Variants in PRIM2 observed in about 807,000 individuals in gnomAD.
The protein encoded by PRIM2 is DNA primase subunit 2, also known as DNA primase large subunit.
Under a neutral mutation model 67.3 loss-of-function variants are expected in PRIM2, and 39 were observed. The ratio of observed to expected loss-of-function variants is 0.58; its 90% CI spans 0.45 to 0.76. The LOEUF (loss-of-function observed/expected upper bound fraction) is 0.76. Among genes scored for constraint, PRIM2 ranks in the 30% least tolerant of loss-of-function variants. The pLI is 0.00. For synonymous variants in PRIM2, 143 were observed against 198.7 expected, an observed-to-expected ratio of 0.72 and a Z score of 2.36; for missense variants, 398 against 598.7, an observed-to-expected ratio of 0.66 and a Z score of 3.50.
intron 5 of PRIM2, among the ~76,000 whole-genome samples, chr6:57,336,939 A>G (rs1219781238): frequency 6.6e-6 from 1 of 152,148 alleles, no homozygotes; most frequent in Non-Finnish European, 1.5e-5. Flanking sequence ...GTCAAGACCC[A>G]TCAGTGTGCT....
chr6:57,242,378 G>A, the PRIM2 span, among the ~76,000 whole-genome samples: 1 of 152,002 alleles, frequency 6.6e-6, no homozygotes, highest in African/African-American at 2.4e-5. Context: ...GAGCCATTTT[G>A]ATTTTTTTAA....
rs781284323 is a variant in PRIM2, at chr6:57,325,999, A to G, written c.413A>G (p.Asp138Gly). The G allele has an allele frequency of 1.5e-5, 24 of 1,612,520 alleles. No homozygotes were observed. In the African/African-American group the frequency reaches 2.9e-4, roughly 20 times the overall value. ...TTTAGATTTAGTATTTTACCCAAGG[A>G]TAAAATTCAGGATTTCTTAAAGGAT... is the stretch of plus-strand genomic sequence containing the variant. ...LRFRFSILPK[D>G]KIQDFLKDSQ... Residue 138 changes from aspartate to glycine, a missense_variant, in exon 5 of 14, where the codon GAT becomes GGT. Physicochemically the swap from Asp to Gly is moderately conservative, Grantham distance 94 (BLOSUM62 -1). Around this residue, in one of 4 missense-constraint regions of PRIM2, gnomAD observed 229 missense variants for 383.6 expected, o/e 0.60. Transcript: ENST00000615550.
chr6:57,621,504 T>C (rs1232758302), intron 12 of PRIM2, among the ~76,000 whole-genome samples: 1 of 152,186 alleles, frequency 6.6e-6, no homozygotes, highest in Non-Finnish European at 1.5e-5. Context: ...ATTTGCTTAG[T>C]GGTTATCCTG....
chr6:57,484,527 C>G (rs1243893832), intron 7 of PRIM2, among the ~76,000 whole-genome samples: 4 of 152,192 alleles, frequency 2.6e-5, no homozygotes, highest in African/African-American at 9.6e-5. Context: ...AAAGCATGCT[C>G]TGGTCCCTGT....
At chr6:57,329,759 C>T (rs1767992126) in intron 5 of PRIM2, among the ~76,000 whole-genome samples, 1 of 152,166 alleles carries the variant, frequency 6.6e-6, no homozygotes, top group Non-Finnish European at 1.5e-5. Context: ...ATAAATTACC[C>T]AGTCTCAGGC....
intron 7 of PRIM2, among the ~76,000 whole-genome samples, chr6:57,485,436 A>G (rs1773731099): frequency 6.6e-6 from 1 of 152,150 alleles, no homozygotes; most frequent in Admixed American, 6.5e-5. Flanking sequence ...AGTTCTGCCT[A>G]ATATCAAGGG....
intron 7 of PRIM2, among the ~76,000 whole-genome samples, chr6:57,452,289 G>C (rs1338959295): frequency 6.6e-6 from 1 of 152,094 alleles, no homozygotes; most frequent in Admixed American, 6.6e-5. Context: ...AATCCTTTGG[G>C]TATATACCCA....
intron 7 of PRIM2, among the ~76,000 whole-genome samples, chr6:57,455,826 A>G (rs1355926284): frequency 3.9e-5 from 6 of 152,198 alleles, no homozygotes; most frequent in Non-Finnish European, 7.3e-5. Context: ...TGATCCTGCC[A>G]TTATGATGTT....
At chr6:57,230,549 C>A in the PRIM2 span, among the ~76,000 whole-genome samples, 1 of 152,168 alleles carries the variant, frequency 6.6e-6, no homozygotes, top group Non-Finnish European at 1.5e-5. Flanking sequence ...CAGTTAGCAT[C>A]GTTACAGGAA....
chr6:57,270,091 T>C, the PRIM2 span, among the ~76,000 whole-genome samples: 2 of 152,074 alleles, frequency 1.3e-5, no homozygotes, highest in Non-Finnish European at 2.9e-5. Flanking sequence ...TTCTTTTGGC[T>C]TAGGATTGAC....
At position 57,322,147 on chromosome 6, in the gene PRIM2, T is replaced by G. The variant is rs544450042; in HGVS notation, c.258+1587T>G. ...AATAGGGCAGAATATAGGGGTTGTT[T>G]TAGGGAAAAGAGAAGATATACAAGC... is the stretch of plus-strand genomic sequence containing the variant. On this transcript the variant is annotated intron_variant, in intron 3 of 13. Coordinates refer to ENST00000615550, the MANE Select transcript of PRIM2 (RefSeq NM_000947.5). Among the ~76,000 whole-genome samples the G allele has an allele frequency of 1.2e-3, 183 of 152,114 alleles. 1 individual carries two copies. Among genetic ancestry groups the G allele is most frequent in the African/African-American group, 4.1e-3 (171 of 41,504 alleles).
At chr6:57,306,272 A>G in the PRIM2 span, among the ~76,000 whole-genome samples, 193 of 152,170 alleles carry the variant, frequency 1.3e-3, no homozygotes, top group African/African-American at 4.4e-3. Flanking sequence ...GCTCCAAACT[A>G]TGGTACCCAA....
At chr6:57,390,607 A>G (rs1448868630) in intron 7 of PRIM2, among the ~76,000 whole-genome samples, 1 of 152,066 alleles carries the variant, frequency 6.6e-6, no homozygotes, top group African/African-American at 2.4e-5. Flanking sequence ...AGTTCTCATC[A>G]TTTAGCTCTC....
intron 7 of PRIM2, among the ~76,000 whole-genome samples, chr6:57,394,851 G>C (rs898727516): frequency 1.3e-5 from 2 of 152,050 alleles, no homozygotes; most frequent in African/African-American, 4.8e-5. Context: ...TGCTGATTTT[G>C]TGGAGAGTTT....
intron 1 of PRIM2, among the ~76,000 whole-genome samples, chr6:57,318,021 A>G (rs1334428060): frequency 6.6e-6 from 1 of 152,174 alleles, no homozygotes; most frequent in Non-Finnish European, 1.5e-5. Context: ...CCAGTCCATC[A>G]AGTAAGACCC....
chr6:57,337,152 A>G (rs1029291733), intron 5 of PRIM2, among the ~76,000 whole-genome samples: 18 of 152,336 alleles, frequency 1.2e-4, no homozygotes, highest in African/African-American at 3.6e-4. Flanking sequence ...TTCAATAAGA[A>G]GAGCTAACTA....
intron 7 of PRIM2, among the ~76,000 whole-genome samples, chr6:57,398,152 G>T (rs1489212167): frequency 6.6e-6 from 1 of 151,886 alleles, no homozygotes; most frequent in East Asian, 1.9e-4. Context: ...TAGAGGTGGG[G>T]TTTCACCGTG....
intron 5 of PRIM2, among the ~76,000 whole-genome samples, chr6:57,341,036 G>T (rs1012609235): frequency 1.2e-4 from 19 of 152,140 alleles, no homozygotes; most frequent in Admixed American, 9.8e-4. Flanking sequence ...ATCATTTGAG[G>T]TGCATTATAA....
At chr6:57,427,845 G>A (rs1771683197) in intron 7 of PRIM2, among the ~76,000 whole-genome samples, 2 of 152,114 alleles carry the variant, frequency 1.3e-5, no homozygotes, top group Admixed American at 6.5e-5. Flanking sequence ...TGTATAGTTT[G>A]TATATTGTAA....
Sources: allele counts gnomAD v4.1 joint callset (sites outside exome capture counted in the v4.1 genomes callset), GRCh38; gene constraint gnomAD v4.1.1; regional missense constraint gnomAD v4.1.1; transcripts MANE v1.5; gene names NCBI Gene and HGNC (gene_info 2026-07-23, HGNC 2026-07-21).